The following SLC39A11 variants were observed in gnomAD, a reference collection of about 807,000 sequenced individuals.
The protein encoded by SLC39A11 is zinc transporter ZIP11.
SLC39A11 carries 33 observed loss-of-function variants against 36.1 expected under a neutral mutation model. That is an observed-to-expected ratio of 0.91 (90% CI 0.69 to 1.22). The LOEUF (loss-of-function observed/expected upper bound fraction) is 1.22, where lower values mean the gene tolerates loss of function less well. SLC39A11 is among the 50% of genes most tolerant of loss of function. The pLI is 0.00. For synonymous variants in SLC39A11, 166 were observed against 170.3 expected, an observed-to-expected ratio of 0.97 and a Z score of 0.20; for missense variants, 432 against 430.3, an observed-to-expected ratio of 1.00 and a Z score of -0.03.
At chr17:72,826,345 G>A (rs915531179) in intron 6 of SLC39A11, among the ~76,000 whole-genome samples, 2 of 152,062 alleles carry the variant, frequency 1.3e-5, no homozygotes, top group African/African-American at 4.8e-5. Context: ...CATGATTCCT[G>A]TACAGCCTGT....
chr17:72,826,190 T>C (rs760455948), intron 6 of SLC39A11, among the ~76,000 whole-genome samples: 2 of 152,158 alleles, frequency 1.3e-5, no homozygotes, highest in African/African-American at 2.4e-5. Flanking sequence ...ATCATGATAG[T>C]GAATATGTTC....
At chr17:72,777,079 T>C (rs2076162160) in intron 6 of SLC39A11, among the ~76,000 whole-genome samples, 2 of 152,158 alleles carry the variant, frequency 1.3e-5, no homozygotes, top group Admixed American at 1.3e-4. Flanking sequence ...CTGTTATCAT[T>C]GGGATCTGGG....
chr17:72,949,682 A>G (rs1046277876), intron 4 of SLC39A11, among the ~76,000 whole-genome samples: 31 of 151,752 alleles, frequency 2.0e-4, no homozygotes, highest in African/African-American at 6.8e-4. Flanking sequence ...CAAAGGTCCC[A>G]CCTCCTAATA....
At chr17:72,715,962 G>A (rs1216553154) in intron 7 of SLC39A11, among the ~76,000 whole-genome samples, 1 of 152,146 alleles carries the variant, frequency 6.6e-6, no homozygotes, top group Non-Finnish European at 1.5e-5. Flanking sequence ...CTCCCAAAGT[G>A]TTGGGATTAC....
At chr17:72,911,834 G>T (rs2083020656) in intron 5 of SLC39A11, among the ~76,000 whole-genome samples, 2 of 152,230 alleles carry the variant, frequency 1.3e-5, no homozygotes, top group African/African-American at 4.8e-5. Context: ...AGTAGAGATG[G>T]GGTTTCACCA....
intron 3 of SLC39A11, chr17:73,068,427 T>C (rs2060062654): frequency 4.9e-6 from 2 of 404,926 alleles, no homozygotes; most frequent in African/African-American, 2.0e-5. Context: ...CCAGTACAAC[T>C]AGCTGTAGGT....
intron 3 of SLC39A11, among the ~76,000 whole-genome samples, chr17:73,052,473 G>A (rs1323917845): frequency 5.9e-5 from 9 of 152,124 alleles, no homozygotes; most frequent in Admixed American, 4.6e-4. Context: ...AGAGAGGAGA[G>A]TGAGAGATTA....
intron 4 of SLC39A11, among the ~76,000 whole-genome samples, chr17:73,011,512 G>T (rs2090515247): frequency 1.3e-5 from 2 of 152,106 alleles, no homozygotes; most frequent in South Asian, 4.1e-4. Context: ...GGAGACGAAG[G>T]TACCCTGAAC....
chr17:72,655,339 C>T (rs930608944), intron 7 of SLC39A11, among the ~76,000 whole-genome samples: 3 of 152,260 alleles, frequency 2.0e-5, no homozygotes, highest in African/African-American at 7.2e-5. Context: ...CAGCCCTCTC[C>T]TCTTCTTCAA....
At position 72,865,633 on chromosome 17, in the gene SLC39A11, T is replaced by C. The variant is rs111328486; in HGVS notation, c.431-15829A>G. 5.7e-3 allele frequency among the ~76,000 whole-genome samples: 853 copies of C among 148,696 alleles called. 8 individuals are homozygous for C. Among genetic ancestry groups the C allele is most frequent in the African/African-American group, 0.02 (824 of 40,304 alleles). On this transcript the variant is annotated intron_variant, in intron 5 of 9. Coordinates refer to ENST00000255559, the MANE Select transcript of SLC39A11 (RefSeq NM_139177.4). ...GACGCTGAAGACCCTCAAGGAAAAA[T>C]GCAGCCACCAGAGAAGGACTGACGT...
chr17:72,665,410 T>TTTTTTTTTTA (rs2070706791), intron 7 of SLC39A11, among the ~76,000 whole-genome samples: 4 of 146,292 alleles, frequency 2.7e-5, no homozygotes, highest in African/African-American at 1.0e-4. Flanking sequence ...TTTTTTTTTT[T>TTTTTTTTTTA]GAGACAGGGT....
chr17:72,832,501 C>T (rs948432946), intron 6 of SLC39A11, among the ~76,000 whole-genome samples: 1 of 152,212 alleles, frequency 6.6e-6, no homozygotes, highest in Non-Finnish European at 1.5e-5. Flanking sequence ...TAAGTCAAGT[C>T]ATGACACATC....
At chr17:72,649,620 GTTTCTT>G (rs2143839154) in intron 7 of SLC39A11, among the ~76,000 whole-genome samples, 1 of 150,316 alleles carries the variant, frequency 6.7e-6, no homozygotes, top group Non-Finnish European at 1.5e-5. Context: ...CTACGCCTCT[GTTTCTT>G]TTTCTTTTTT....
At position 72,712,894 on chromosome 17, in the gene SLC39A11, G is replaced by A. The variant is rs1464975643; in HGVS notation, c.671+23756C>T. The A allele has an allele frequency of 3.3e-5, 5 of 152,312 alleles. No homozygotes were observed. In the East Asian group the frequency reaches 9.6e-4, roughly 29 times the overall value. 9.4% of individuals were successfully genotyped at this position (152,312 alleles called of 1,614,324 possible). ...CCGGATCCACAATAGGAACAGATAA[G>A]ACATGACATGAGGGCATGGGGAGAG... is the stretch of plus-strand genomic sequence containing the variant. On this transcript the variant is annotated intron_variant, in intron 7 of 9. Coordinates refer to ENST00000255559, the MANE Select transcript of SLC39A11 (RefSeq NM_139177.4).
At chr17:73,031,017 G>C (rs1290712080) in intron 4 of SLC39A11, among the ~76,000 whole-genome samples, 2 of 152,152 alleles carry the variant, frequency 1.3e-5, no homozygotes, top group African/African-American at 4.8e-5. Context: ...GTCCTTCGGG[G>C]GAGTTATCCT....
chr17:72,685,331 G>A (rs1017002158), intron 7 of SLC39A11, among the ~76,000 whole-genome samples: 2 of 152,264 alleles, frequency 1.3e-5, no homozygotes, highest in African/African-American at 2.4e-5. Flanking sequence ...CTTTGAAAAG[G>A]TGCAACTGCA....
At chr17:72,870,667 C>A (rs1056629030) in intron 5 of SLC39A11, among the ~76,000 whole-genome samples, 2 of 152,224 alleles carry the variant, frequency 1.3e-5, no homozygotes, top group Non-Finnish European at 2.9e-5. Flanking sequence ...AGATTTGTGG[C>A]CAATTGGTAA....
chr17:72,822,241 A>T (rs757164912), intron 6 of SLC39A11, among the ~76,000 whole-genome samples: 1 of 148,478 alleles, frequency 6.7e-6, no homozygotes, highest in African/African-American at 2.4e-5. Flanking sequence ...TACTATACAC[A>T]CATACTATAT....
At chr17:72,814,620 G>A (rs1427864570) in intron 6 of SLC39A11, among the ~76,000 whole-genome samples, 1 of 152,202 alleles carries the variant, frequency 6.6e-6, no homozygotes, top group Non-Finnish European at 1.5e-5. Flanking sequence ...AGAGGCAAAG[G>A]GCCAAGGTGA....
Sources: allele counts gnomAD v4.1 joint callset (sites outside exome capture counted in the v4.1 genomes callset), GRCh38; gene constraint gnomAD v4.1.1; transcripts MANE v1.5; gene names NCBI Gene and HGNC (gene_info 2026-07-23, HGNC 2026-07-21).